DPY19L4: variants seen among roughly 807,000 people sequenced by gnomAD.
The protein encoded by DPY19L4 is probable C-mannosyltransferase DPY19L4.
Under a neutral mutation model 102.8 loss-of-function variants are expected in DPY19L4, and 97 were observed. The ratio of observed to expected loss-of-function variants is 0.94; its 90% CI spans 0.80 to 1.12. The LOEUF (loss-of-function observed/expected upper bound fraction) is 1.12, where lower values mean the gene tolerates loss of function less well. Among genes scored for constraint, DPY19L4 ranks in the 50% most tolerant of loss-of-function variants. DPY19L4 has a pLI of 0.00. For missense variants in DPY19L4, 815 were observed against 850.4 expected, an observed-to-expected ratio of 0.96 and a Z score of 0.52; for synonymous variants, 252 against 283.1, an observed-to-expected ratio of 0.89 and a Z score of 1.10.
At chr8:94,757,868 T>C (rs1306122580) in intron 7 of DPY19L4, among the ~76,000 whole-genome samples, 3 of 151,966 alleles carry the variant, frequency 2.0e-5, no homozygotes, top group African/African-American at 7.3e-5. Context: ...CCCAGCACTT[T>C]GGGAGGCTGA....
intron 13 of DPY19L4, among the ~76,000 whole-genome samples, chr8:94,774,726 C>T (rs558610751): frequency 4.0e-5 from 6 of 151,878 alleles, no homozygotes; most frequent in African/African-American, 1.2e-4. Flanking sequence ...TACAGACATG[C>T]ACCACCATGC....
intron 7 of DPY19L4, among the ~76,000 whole-genome samples, chr8:94,757,768 T>C (rs1363739937): frequency 6.6e-6 from 1 of 152,172 alleles, no homozygotes; most frequent in Non-Finnish European, 1.5e-5. Flanking sequence ...CCTGTTTGAT[T>C]GTACAGCTGT....
chr8:94,751,530 C>T (rs1193416225), intron 6 of DPY19L4, among the ~76,000 whole-genome samples: 2 of 148,502 alleles, frequency 1.3e-5, no homozygotes, highest in Admixed American at 6.7e-5. Flanking sequence ...CTCACTCTGT[C>T]GCCCAAGCTG....
At chr8:94,771,902 A>ATAAT (rs1812953057) in intron 13 of DPY19L4, among the ~76,000 whole-genome samples, 3 of 152,242 alleles carry the variant, frequency 2.0e-5, no homozygotes, top group East Asian at 3.9e-4. Context: ...GCCCCATTTA[A>ATAAT]TGTTCAATAA....
chr8:94,739,971 A>G (rs1157704044), intron 6 of DPY19L4, among the ~76,000 whole-genome samples, 181 bp downstream of exon 6: 4 of 152,176 alleles, frequency 2.6e-5, no homozygotes, highest in Non-Finnish European at 5.9e-5. Context: ...TGGAAAGATT[A>G]CCCTGTGGGC....
intron 17 of DPY19L4, among the ~76,000 whole-genome samples, chr8:94,787,377 G>T (rs953163541): frequency 6.6e-6 from 1 of 152,098 alleles, no homozygotes; most frequent in Admixed American, 6.5e-5. Flanking sequence ...GAATGTTGAA[G>T]GTGGGTATTC....
chr8:94,720,588 TTA>T (rs1810414806), intron 1 of DPY19L4, among the ~76,000 whole-genome samples: 1 of 152,136 alleles, frequency 6.6e-6, no homozygotes, highest in South Asian at 2.1e-4. Flanking sequence ...CATCTAATTA[TTA>T]TAGTTTTGGG....
At chr8:94,728,920 G>T (rs899105470) in intron 2 of DPY19L4, among the ~76,000 whole-genome samples, 3 of 151,918 alleles carry the variant, frequency 2.0e-5, no homozygotes, top group African/African-American at 7.3e-5. Context: ...GGTGGCTCGC[G>T]CCAGTAATCC....
intron 13 of DPY19L4, among the ~76,000 whole-genome samples, chr8:94,773,054 A>G (rs1358153869): frequency 6.6e-6 from 1 of 152,028 alleles, no homozygotes; most frequent in Non-Finnish European, 1.5e-5. Context: ...TTTATTAAAA[A>G]TACAAAAAAA....
intron 7 of DPY19L4, 149 bp downstream of exon 7, chr8:94,756,308 G>A: frequency 9.2e-7 from 1 of 1,085,040 alleles, no homozygotes; most frequent in Non-Finnish European, 1.3e-6. Context: ...TAGTTAGGTA[G>A]TTTTCTTACA....
chr8:94,724,400 G>C (rs1241050453), intron 1 of DPY19L4, among the ~76,000 whole-genome samples: 2 of 152,122 alleles, frequency 1.3e-5, no homozygotes, highest in African/African-American at 4.8e-5. Context: ...ACTTATATTT[G>C]ATTTTGCATA....
chr8:94,723,750 A>G (rs7840284), intron 1 of DPY19L4, among the ~76,000 whole-genome samples: 107,994 of 152,124 alleles, frequency 0.71, 39,932 homozygotes, highest in African/African-American at 0.93. Flanking sequence ...ATCAGTGCAC[A>G]CATTCAGTAT....
chr8:94,769,485 A>G (rs979856310), intron 12 of DPY19L4, among the ~76,000 whole-genome samples: 2 of 152,212 alleles, frequency 1.3e-5, no homozygotes, highest in African/African-American at 4.8e-5. Context: ...AATTTATACA[A>G]ATTTTTACTT....
At chr8:94,722,981 T>C (rs1398003429) in intron 1 of DPY19L4, among the ~76,000 whole-genome samples, 2 of 152,216 alleles carry the variant, frequency 1.3e-5, no homozygotes, top group Non-Finnish European at 2.9e-5. Context: ...AGTGACAACC[T>C]TGAGTAGAGC....
At chr8:94,789,720 A>G (rs1406444510) in intron 18 of DPY19L4, 26 bp from the exon 19 acceptor site, 1 of 1,547,842 alleles carries the variant, frequency 6.5e-7, no homozygotes, top group East Asian at 2.3e-5. Flanking sequence ...AAGCTTTTTA[A>G]TATTATGTTT....
chr8:94,728,273 C>T (rs36089811), intron 2 of DPY19L4, among the ~76,000 whole-genome samples: 24 of 152,334 alleles, frequency 1.6e-4, no homozygotes, highest in African/African-American at 5.3e-4. Flanking sequence ...CACATCCCCC[C>T]ACTCTCAGTA....
chr8:94,725,391 T>C (rs1343971629), intron 1 of DPY19L4, among the ~76,000 whole-genome samples: 1 of 152,214 alleles, frequency 6.6e-6, no homozygotes, highest in Non-Finnish European at 1.5e-5. Context: ...TGGAGTTTAG[T>C]TTACTAGTTT....
At chr8:94,738,113 T>C (rs1314944664) in intron 3 of DPY19L4, among the ~76,000 whole-genome samples, 1 of 150,782 alleles carries the variant, frequency 6.6e-6, no homozygotes, top group African/African-American at 2.4e-5. Flanking sequence ...GGTCAGGAGA[T>C]CGAAACCATC....
chr8:94,769,508 AT>A (rs1386613151), intron 12 of DPY19L4, among the ~76,000 whole-genome samples: 2 of 152,196 alleles, frequency 1.3e-5, no homozygotes, highest in Non-Finnish European at 2.9e-5. Flanking sequence ...CGTAAGAATA[AT>A]TTCTTCTATT....
Sources: gnomAD v4.1 joint callset for allele counts (sites outside exome capture counted in the v4.1 genomes callset) on GRCh38, gnomAD v4.1.1 for gene constraint, MANE v1.5 for transcripts, NCBI Gene and HGNC (gene_info 2026-07-23, HGNC 2026-07-21) for gene names.